The following DLGAP2 variants were observed in gnomAD, a reference collection of about 807,000 sequenced individuals.
DLGAP2 encodes the protein disks large-associated protein 2.
In DLGAP2, 26 loss-of-function variants were observed where a neutral mutation model predicts 100.3. That is an observed-to-expected ratio of 0.26 (90% confidence interval 0.19 to 0.36). The LOEUF (loss-of-function observed/expected upper bound fraction) is 0.36, where lower values mean the gene tolerates loss of function less well. Ranked by LOEUF, DLGAP2 falls within the 10% of genes least tolerant of loss-of-function variation. The probability of loss-of-function intolerance (pLI) is 1.00; values close to 1 mark genes in which losing one functional copy is unlikely to be tolerated. For missense variants in DLGAP2, 1,858 were observed against 1,453.2 expected, an observed-to-expected ratio of 1.28 and a Z score of -4.53; for synonymous variants, 886 against 630.1, an observed-to-expected ratio of 1.41 and a Z score of -6.08.
At chr8:1,356,504 C>T (rs909226172) in intron 3 of DLGAP2, among the ~76,000 whole-genome samples, 1 of 152,170 alleles carries the variant, frequency 6.6e-6, no homozygotes, top group African/African-American at 2.4e-5. Context: ...TCTGTCTGTG[C>T]TGGTGGCCTG....
chr8:1,173,922 A>G (rs1387935767), intron 2 of DLGAP2, among the ~76,000 whole-genome samples: 1 of 152,150 alleles, frequency 6.6e-6, no homozygotes, highest in African/African-American at 2.4e-5. Flanking sequence ...CCCTAGTGAG[A>G]TGAACCTGGT....
intron 3 of DLGAP2, among the ~76,000 whole-genome samples, chr8:1,295,551 G>C (rs1011954171): frequency 2.0e-5 from 3 of 152,218 alleles, no homozygotes; most frequent in Non-Finnish European, 2.9e-5. Flanking sequence ...AGTGGAAGGG[G>C]CTCTGGTCAG....
intron 2 of DLGAP2, among the ~76,000 whole-genome samples, chr8:969,032 T>G (rs1308911247): frequency 1.3e-5 from 2 of 152,152 alleles, no homozygotes; most frequent in Non-Finnish European, 2.9e-5. Context: ...GTGTGGGCCA[T>G]GGGGTTCCCA....
Position 760,447 on chromosome 8 carries a change from ATAATTTCCTAAAGT to A in DLGAP2, c.18+22624_18+22637del, listed in dbSNP as rs548202593. 2.5e-4 allele frequency among the ~76,000 whole-genome samples: 38 copies of A among 152,306 alleles called. No individual in the cohort carries two copies. The East Asian group carries it at 5.2e-3, about 21-fold the overall frequency. On this transcript the variant is annotated intron_variant, in intron 1 of 14. Coordinates refer to ENST00000637795, the MANE Select transcript of DLGAP2 (RefSeq NM_001346810.2). ...TCATTTTGTTGATGTCCGTCTTCAA[ATAATTTCCTAAAGT>A]TTCTCATCTTGCCTGTCCAAAACTC...
At chr8:768,576 C>T (rs1182981042) in intron 1 of DLGAP2, among the ~76,000 whole-genome samples, 6 of 151,904 alleles carry the variant, frequency 3.9e-5, no homozygotes, top group Admixed American at 2.0e-4. Flanking sequence ...AGGCGCTTGC[C>T]ACCATGCCCG....
chr8:1,101,013 A>G (rs1029020531), intron 2 of DLGAP2, among the ~76,000 whole-genome samples: 3 of 152,168 alleles, frequency 2.0e-5, no homozygotes, highest in African/African-American at 7.2e-5. Context: ...TGAGATTCCT[A>G]TGCTGGTCCC....
At chr8:1,186,686 G>C (rs59581985) in intron 2 of DLGAP2, among the ~76,000 whole-genome samples, 14,044 of 152,112 alleles carry the variant, frequency 0.092, 1,830 homozygotes, top group African/African-American at 0.29. Context: ...GGTTGGGACT[G>C]GGGGGCCTTT....
chr8:1,309,885 A>G (rs1320735484), intron 3 of DLGAP2, among the ~76,000 whole-genome samples: 3 of 152,204 alleles, frequency 2.0e-5, no homozygotes, highest in African/African-American at 7.2e-5. Flanking sequence ...TCTTGAGGTC[A>G]GGAGTTCAAG....
chr8:1,288,217 G>GGTT (rs1491429566), intron 3 of DLGAP2, among the ~76,000 whole-genome samples: 1 of 98,360 alleles, frequency 1.0e-5, no homozygotes, highest in Admixed American at 1.1e-4. Context: ...GTGTGTGTGT[G>GGTT]GTTAGGAGGG....
chr8:1,067,643 G>T (rs1397378028), intron 2 of DLGAP2, among the ~76,000 whole-genome samples: 1 of 142,220 alleles, frequency 7.0e-6, no homozygotes, highest in Non-Finnish European at 1.6e-5. Flanking sequence ...GTGTGTGTGT[G>T]TGTGACTTAA....
chr8:1,546,646 A>G (rs1801547960), intron 4 of DLGAP2, among the ~76,000 whole-genome samples: 1 of 152,152 alleles, frequency 6.6e-6, no homozygotes, highest in Admixed American at 6.5e-5. Flanking sequence ...CACGATGGGA[A>G]AACTCTCACT....
At chr8:1,172,309 C>T (rs550496091) in intron 2 of DLGAP2, among the ~76,000 whole-genome samples, 20 of 152,098 alleles carry the variant, frequency 1.3e-4, no homozygotes, top group Non-Finnish European at 2.6e-4. Flanking sequence ...CTCTGGCTCT[C>T]CTTAACATTT....
intron 3 of DLGAP2, among the ~76,000 whole-genome samples, chr8:1,372,068 G>T (rs1802251105): frequency 6.6e-6 from 1 of 152,254 alleles, no homozygotes; most frequent in South Asian, 2.1e-4. Context: ...CACTGCTCAG[G>T]CACCTGCCAG....
chr8:950,771 G>A (rs1316138680), intron 2 of DLGAP2, among the ~76,000 whole-genome samples: 2 of 151,794 alleles, frequency 1.3e-5, no homozygotes, highest in East Asian at 1.9e-4. Context: ...ACAGGCATGT[G>A]CCACCGTGCC....
At chr8:799,542 C>T (rs1476978063) in intron 1 of DLGAP2, among the ~76,000 whole-genome samples, 2 of 152,188 alleles carry the variant, frequency 1.3e-5, no homozygotes, top group Admixed American at 6.5e-5. Context: ...CACATTATGA[C>T]AATGCATATT....
At chr8:1,671,388 C>T (rs1233466966) in intron 10 of DLGAP2, among the ~76,000 whole-genome samples, 1 of 152,208 alleles carries the variant, frequency 6.6e-6, no homozygotes, top group Non-Finnish European at 1.5e-5. Context: ...TGTCTGAGTG[C>T]AGATAGCAGG....
At chr8:1,003,560 T>C (rs1346463411) in intron 2 of DLGAP2, among the ~76,000 whole-genome samples, 1 of 152,240 alleles carries the variant, frequency 6.6e-6, no homozygotes, top group African/African-American at 2.4e-5. Flanking sequence ...GCAGTGAGCA[T>C]TGGTTGAAGC....
intron 3 of DLGAP2, among the ~76,000 whole-genome samples, chr8:1,443,257 A>G (rs1402862475): frequency 6.6e-6 from 1 of 151,516 alleles, no homozygotes; most frequent in Admixed American, 6.6e-5. Flanking sequence ...CGCAGGTAAC[A>G]TTTGGATGTT....
intron 2 of DLGAP2, among the ~76,000 whole-genome samples, chr8:934,809 T>C (rs998096318): frequency 3.3e-5 from 5 of 152,132 alleles, no homozygotes; most frequent in Admixed American, 6.5e-5. Flanking sequence ...CTATTCTGTC[T>C]GAAGAAGAAC....
Sources: allele counts gnomAD v4.1 joint callset (sites outside exome capture counted in the v4.1 genomes callset), GRCh38; gene constraint gnomAD v4.1.1; transcripts MANE v1.5; gene names NCBI Gene and HGNC (gene_info 2026-07-23, HGNC 2026-07-21).